Variants in LAMA3 observed in about 807,000 individuals in gnomAD.
The protein encoded by LAMA3 is laminin subunit alpha-3.
Under a neutral mutation model 402.0 loss-of-function variants are expected in LAMA3, and 281 were observed. The ratio of observed to expected loss-of-function variants is 0.70; its 90% confidence interval spans 0.63 to 0.77. The LOEUF is 0.77. Among genes scored for constraint, LAMA3 ranks in the 30% least tolerant of loss-of-function variants. The probability of loss-of-function intolerance (pLI) is 0.00; values close to 1 mark genes in which losing one functional copy is unlikely to be tolerated. For synonymous variants in LAMA3, 1,431 were observed against 1,558.4 expected (o/e 0.92, Z 1.93); for missense variants, 3,840 against 4,215.5 (o/e 0.91, Z 2.47).
At chr18:23,947,930 G>A (rs779742704) in intron 70 of LAMA3, among the ~76,000 whole-genome samples, 3 of 151,164 alleles carry the variant, frequency 2.0e-5, no homozygotes, top group Non-Finnish European at 4.4e-5. Flanking sequence ...TCCTTCCTCA[G>A]CCTCCTAAGT....
At chr18:23,725,342 C>A (rs913268360) in intron 2 of LAMA3, among the ~76,000 whole-genome samples, 1 of 152,182 alleles carries the variant, frequency 6.6e-6, no homozygotes, top group African/African-American at 2.4e-5. Flanking sequence ...AACTCCTGAC[C>A]TCAGGCAATC....
chr18:23,935,523 G>T (rs2082287243), intron 67 of LAMA3, among the ~76,000 whole-genome samples: 1 of 152,192 alleles, frequency 6.6e-6, no homozygotes, highest in Admixed American at 6.5e-5. Context: ...AGAGAATACA[G>T]CACAGCTTAG....
In LAMA3 at chr18:23,934,025, G is replaced by C. The variant is rs916785529; in HGVS notation, c.8862+90G>C. 7.7e-5 allele frequency: 94 copies of C among 1,223,888 alleles called. No individual in the cohort carries two copies. In the African/African-American group the frequency reaches 1.1e-3, roughly 14 times the overall value. 75.8% of individuals were successfully genotyped at this position (1,223,888 alleles called of 1,614,324 possible). ...TGGGAGATATTGGGGAAGGGGGTGAGAGCTCACCAGTCCATAAAGTGGGAT... is the reference window on the plus strand; with the variant it reads ...TGGGAGATATTGGGGAAGGGGGTGACAGCTCACCAGTCCATAAAGTGGGAT... On this transcript the variant is annotated intron_variant, in intron 67 of 74. Transcript: ENST00000313654.
chr18:23,806,682 C>T (rs772773534), intron 12 of LAMA3, among the ~76,000 whole-genome samples: 3 of 152,174 alleles, frequency 2.0e-5, no homozygotes, highest in Non-Finnish European at 4.4e-5. Flanking sequence ...ATCTATGCCC[C>T]CACTTTAACA....
At chr18:23,744,490 G>A (rs1031418876) in intron 2 of LAMA3, among the ~76,000 whole-genome samples, 5 of 152,050 alleles carry the variant, frequency 3.3e-5, no homozygotes, top group African/African-American at 1.2e-4. Flanking sequence ...CAGGCAGAGG[G>A]GCACATCAAT....
intron 27 of LAMA3, among the ~76,000 whole-genome samples, chr18:23,840,806 C>T (rs1177217733): frequency 6.6e-6 from 1 of 152,066 alleles, no homozygotes; most frequent in East Asian, 1.9e-4. Flanking sequence ...GGTTTAGTAT[C>T]CCTTATCCAA....
intron 33 of LAMA3, among the ~76,000 whole-genome samples, 195 bp downstream of exon 33, chr18:23,858,183 A>G (rs1183378866): frequency 6.6e-6 from 1 of 152,162 alleles, no homozygotes; most frequent in Non-Finnish European, 1.5e-5. Flanking sequence ...TCTTTTGGAG[A>G]GGTCTCAGAC....
intron 4 of LAMA3, among the ~76,000 whole-genome samples, chr18:23,750,134 G>A (rs908493538): frequency 3.9e-5 from 6 of 152,198 alleles, no homozygotes; most frequent in Admixed American, 1.3e-4. Context: ...TGCTGTCCCT[G>A]TGGGGTTGCA....
At chr18:23,749,587 A>G (rs1193549762) in intron 4 of LAMA3, 41 bp downstream of exon 4, 3 of 1,191,748 alleles carry the variant, frequency 2.5e-6, no homozygotes, top group South Asian at 1.2e-5. Flanking sequence ...AGACTCAGAA[A>G]TGACCATGAG....
Position 23,747,989 on chromosome 18 carries a change from G to A in LAMA3, c.494G>A (p.Arg165His), listed in dbSNP as rs773231537. The A allele has an allele frequency of 1.8e-5, 29 of 1,613,102 alleles. No individual in the cohort carries two copies. The highest frequency in any genetic ancestry group is 1.6e-4 in the Middle Eastern group (1 of 6,084). The change falls in exon 3 of 75, where the codon CGC becomes CAC. Residue 165 changes from arginine (R) to histidine (H), a missense_variant. Coordinates refer to ENST00000313654, the MANE Select transcript of LAMA3 (RefSeq NM_198129.4). Reference sequence around the variant, plus strand: ...TTAATCAAATTTGCAAATTCTCCTCGCCCTGATCTTTGGGTCTTGGAAAGA... The same window carrying A: ...TTAATCAAATTTGCAAATTCTCCTCACCCTGATCTTTGGGTCTTGGAAAGA... ...YILIKFANSP[R>H]PDLWVLERSV...
chr18:23,891,292 A>G (rs537288608), intron 42 of LAMA3, among the ~76,000 whole-genome samples: 1 of 152,358 alleles, frequency 6.6e-6, no homozygotes, highest in Non-Finnish European at 1.5e-5. Flanking sequence ...ATGGTTTGTG[A>G]CAAGAGTCTG....
intron 40 of LAMA3, 67 bp downstream of exon 40, chr18:23,882,112 G>A: frequency 2.0e-6 from 2 of 994,510 alleles, no homozygotes; most frequent in Non-Finnish European, 3.2e-6. Flanking sequence ...AGGACTAGGG[G>A]TGGGAGAGCA....
intron 48 of LAMA3, 33 bp downstream of exon 48, chr18:23,901,356 T>A: frequency 6.4e-7 from 1 of 1,557,244 alleles, no homozygotes; most frequent in Non-Finnish European, 8.9e-7. Context: ...CACACTTTCG[T>A]TAATAAGGAT....
chr18:23,888,506 C>G (rs1278799293), intron 41 of LAMA3, among the ~76,000 whole-genome samples: 1 of 152,114 alleles, frequency 6.6e-6, no homozygotes, highest in Non-Finnish European at 1.5e-5. Flanking sequence ...GCCCAAAACT[C>G]CACATCTTCA....
At chr18:23,767,439 G>C (rs985916198) in intron 8 of LAMA3, among the ~76,000 whole-genome samples, 4 of 151,990 alleles carry the variant, frequency 2.6e-5, no homozygotes, top group Admixed American at 2.0e-4. Context: ...AAAGCCAGAG[G>C]CATAACATTA....
intron 72 of LAMA3, among the ~76,000 whole-genome samples, chr18:23,950,653 G>A (rs1481775592): frequency 1.3e-5 from 2 of 152,102 alleles, no homozygotes; most frequent in Non-Finnish European, 2.9e-5. Flanking sequence ...ATTCTTCTAG[G>A]AAGACCCTTA....
chr18:23,932,672 G>C, intron 66 of LAMA3: 1 of 218,302 alleles, frequency 4.6e-6, no homozygotes, highest in Non-Finnish European at 9.2e-6. Context: ...GCTGTGCTAG[G>C]AAACCAAATC....
chr18:23,746,581 C>T (rs1223097294), intron 2 of LAMA3, among the ~76,000 whole-genome samples: 9 of 152,022 alleles, frequency 5.9e-5, no homozygotes, highest in Non-Finnish European at 1.3e-4. Context: ...CTGCTCTCAC[C>T]AAAAATTTCA....
chr18:23,757,511 C>T (rs573552370), intron 6 of LAMA3, among the ~76,000 whole-genome samples: 3 of 151,082 alleles, frequency 2.0e-5, no homozygotes, highest in Non-Finnish European at 4.4e-5. Flanking sequence ...TTCTTGGCCT[C>T]GCTCCAGCTC....
Sources: allele counts gnomAD v4.1 joint callset (sites outside exome capture counted in the v4.1 genomes callset), GRCh38; gene constraint gnomAD v4.1.1; transcripts MANE v1.5; gene names NCBI Gene and HGNC (gene_info 2026-07-23, HGNC 2026-07-21).